APP: variants seen among roughly 807,000 people sequenced by gnomAD.
APP encodes the protein amyloid beta precursor protein.
APP carries 31 observed loss-of-function variants against 101.4 expected under a neutral mutation model. That is an observed-to-expected ratio of 0.31 (90% CI 0.23 to 0.41). The LOEUF is 0.41. Among genes scored for constraint, APP ranks in the 10% least tolerant of loss-of-function variants. The probability of loss-of-function intolerance (pLI) is 1.00; values close to 1 mark genes in which losing one functional copy is unlikely to be tolerated. For synonymous variants in APP, 366 were observed against 364.4 expected (o/e 1.00, Z -0.05); for missense variants, 839 against 1,003.7 (o/e 0.84, Z 2.22).
intron 5 of APP, among the ~76,000 whole-genome samples, chr21:26,027,955 G>A (rs967586371): frequency 1.3e-5 from 2 of 152,044 alleles, no homozygotes; most frequent in East Asian, 1.9e-4. Flanking sequence ...AGCACGTTGC[G>A]GGGCCGAGGC....
At chr21:26,112,519 T>A (rs1387042396) in intron 1 of APP, among the ~76,000 whole-genome samples, 1 of 152,220 alleles carries the variant, frequency 6.6e-6, no homozygotes, top group Non-Finnish European at 1.5e-5. Context: ...ATTCTTATAA[T>A]AAACTCCACT....
At chr21:26,158,035 T>C (rs2063410833) in intron 1 of APP, 1 of 152,236 alleles carries the variant, frequency 6.6e-6, no homozygotes, top group South Asian at 2.1e-4. Context: ...GAGAGTAAAC[T>C]GACTGCCACT....
At chr21:25,980,699 C>T (rs2042398984) in intron 9 of APP, among the ~76,000 whole-genome samples, 1 of 151,888 alleles carries the variant, frequency 6.6e-6, no homozygotes, top group South Asian at 2.1e-4. Context: ...AAACAAAAAA[C>T]AGTACCTGTG....
intron 6 of APP, among the ~76,000 whole-genome samples, chr21:26,014,134 G>A (rs2043946814): frequency 1.3e-5 from 2 of 152,104 alleles, no homozygotes; most frequent in Admixed American, 6.6e-5. Flanking sequence ...ATACTCCCTG[G>A]AGCTTTAGTT....
intron 1 of APP, among the ~76,000 whole-genome samples, chr21:26,118,953 T>C (rs1001197047): frequency 5.9e-5 from 9 of 152,190 alleles, no homozygotes; most frequent in African/African-American, 1.9e-4. Context: ...TCTCTCAATA[T>C]TGCCATATCT....
At chr21:26,107,078 G>C (rs1469662500) in intron 2 of APP, among the ~76,000 whole-genome samples, 2 of 152,154 alleles carry the variant, frequency 1.3e-5, no homozygotes, top group Non-Finnish European at 2.9e-5. Context: ...TGATTCTACA[G>C]CATGTTCCTC....
At chr21:26,071,385 G>A (rs2061408727) in intron 3 of APP, among the ~76,000 whole-genome samples, 1 of 152,096 alleles carries the variant, frequency 6.6e-6, no homozygotes, top group Admixed American at 6.5e-5. Flanking sequence ...ATTTTGAAGA[G>A]CAAGCATTCC....
At chr21:25,917,056 T>A (rs2146338393) in intron 13 of APP, among the ~76,000 whole-genome samples, 1 of 151,376 alleles carries the variant, frequency 6.6e-6, no homozygotes, top group South Asian at 2.1e-4. Flanking sequence ...AGGTCAGGAG[T>A]TCAAGAGCAG....
intron 15 of APP, among the ~76,000 whole-genome samples, chr21:25,901,500 G>A (rs1439777002): frequency 6.6e-6 from 1 of 152,074 alleles, no homozygotes; most frequent in Non-Finnish European, 1.5e-5. Context: ...TGCTATAATA[G>A]TTCATGTTTG....
At chr21:26,054,491 G>A (rs2045957958) in intron 3 of APP, among the ~76,000 whole-genome samples, 1 of 152,128 alleles carries the variant, frequency 6.6e-6, no homozygotes, top group Non-Finnish European at 1.5e-5. Flanking sequence ...ATCTGGATAT[G>A]GGTGGAAGCA....
intron 5 of APP, among the ~76,000 whole-genome samples, chr21:26,043,958 C>G (rs1472654160): frequency 1.3e-5 from 2 of 152,088 alleles, no homozygotes; most frequent in East Asian, 3.8e-4. Context: ...ATATTGTGTT[C>G]CTATGTTACA....
chr21:25,917,550 A>G (rs1425416023), intron 13 of APP, among the ~76,000 whole-genome samples: 2 of 152,256 alleles, frequency 1.3e-5, no homozygotes, highest in East Asian at 3.8e-4. Flanking sequence ...ATGTCTTCTA[A>G]GAATTTAACG....
At chr21:26,012,444 A>G (rs1282724532) in intron 6 of APP, among the ~76,000 whole-genome samples, 2 of 152,050 alleles carry the variant, frequency 1.3e-5, no homozygotes, top group Admixed American at 6.5e-5. Flanking sequence ...TTACTCTTCT[A>G]CTAACAGAAT....
At chr21:26,007,976 CACTT>C (rs1342178792) in intron 6 of APP, among the ~76,000 whole-genome samples, 2 of 152,162 alleles carry the variant, frequency 1.3e-5, no homozygotes, top group African/African-American at 4.8e-5. Context: ...TGACAAATCT[CACTT>C]AAGCTCCAAA....
Position 25,980,438 on chromosome 21 carries a change from G to A in APP, c.1224+1906C>T, listed in dbSNP as rs118009250. The stretch of plus-strand genomic sequence containing the variant: ...CCAATGCTTTCCGAACAGTGCCTGT[G>A]TCTTTCCTAAGGAAAGATCTGATTT... On this transcript the variant is annotated intron_variant, in intron 9 of 17. Transcript: ENST00000346798. 1.2e-4 allele frequency among the ~76,000 whole-genome samples: 17 copies of A among 143,994 alleles called. No homozygotes were observed. The East Asian group carries it at 3.3e-3, about 28-fold the overall frequency. 94.5% of individuals were successfully genotyped at this position (143,994 alleles called of 152,430 possible).
intron 8 of APP, among the ~76,000 whole-genome samples, chr21:25,989,302 A>C (rs114377840): frequency 0.014 from 2,104 of 152,224 alleles, 49 homozygotes; most frequent in African/African-American, 0.048. Context: ...TTTAGTTCTG[A>C]TTTTGTAATC....
chr21:26,106,440 C>G (rs1272463739), intron 2 of APP, among the ~76,000 whole-genome samples: 1 of 152,158 alleles, frequency 6.6e-6, no homozygotes, highest in African/African-American at 2.4e-5. Flanking sequence ...CACCCTATCT[C>G]CCCATTCTTC....
At chr21:25,927,633 T>A (rs2039956872) in intron 13 of APP, among the ~76,000 whole-genome samples, 1 of 152,006 alleles carries the variant, frequency 6.6e-6, no homozygotes, top group Non-Finnish European at 1.5e-5. Context: ...AACAGTTTCC[T>A]GGCCACACAT....
intron 6 of APP, among the ~76,000 whole-genome samples, chr21:26,012,542 A>G (rs565363137): frequency 6.6e-6 from 1 of 152,362 alleles, no homozygotes; most frequent in Admixed American, 6.5e-5. Flanking sequence ...TGAGAGAAGC[A>G]GCTGGTTAGG....
Sources: allele counts gnomAD v4.1 joint callset (sites outside exome capture counted in the v4.1 genomes callset), GRCh38; gene constraint gnomAD v4.1.1; transcripts MANE v1.5; gene names NCBI Gene and HGNC (gene_info 2026-07-23, HGNC 2026-07-21).